The following PAPPA2 variants were observed in gnomAD, a reference collection of about 807,000 sequenced individuals.
PAPPA2 encodes pappalysin 2.
A neutral mutation model predicts 176.4 loss-of-function variants in PAPPA2; 86 were observed. That is an observed-to-expected ratio of 0.49 (90% CI 0.41 to 0.58). PAPPA2 has a LOEUF of 0.58. Among genes scored for constraint, PAPPA2 ranks in the 20% least tolerant of loss-of-function variants. PAPPA2 has a pLI of 0.00. For missense variants in PAPPA2, 2,073 were observed against 2,256.9 expected (o/e 0.92, Z 1.65); for synonymous variants, 809 against 852.2 (o/e 0.95, Z 0.88).
At chr1:176,672,582 AAAAAG>A (rs1242963340) in intron 4 of PAPPA2, among the ~76,000 whole-genome samples, 1 of 152,142 alleles carries the variant, frequency 6.6e-6, no homozygotes, top group Non-Finnish European at 1.5e-5. Flanking sequence ...GACCAAAAAA[AAAAAG>A]AAAAGATTGC....
intron 2 of PAPPA2, among the ~76,000 whole-genome samples, chr1:176,560,905 A>G (rs781555972): frequency 3.9e-5 from 6 of 152,224 alleles, no homozygotes; most frequent in Non-Finnish European, 5.9e-5. Flanking sequence ...CCATGGCAGA[A>G]TTGGAGCCTG....
At chr1:176,569,427 C>G (rs1652186131) in intron 2 of PAPPA2, among the ~76,000 whole-genome samples, 1 of 152,232 alleles carries the variant, frequency 6.6e-6, no homozygotes, top group South Asian at 2.1e-4. Flanking sequence ...TTCAGGAACT[C>G]TTCCTTGGCC....
chr1:176,559,547 T>A (rs1391060880), intron 2 of PAPPA2, among the ~76,000 whole-genome samples: 1 of 152,232 alleles, frequency 6.6e-6, no homozygotes, highest in Non-Finnish European at 1.5e-5. Context: ...ACCTGTGCTC[T>A]CCATGCCTGA....
chr1:176,517,435 T>G (rs1648977474), intron 1 of PAPPA2, among the ~76,000 whole-genome samples: 1 of 152,168 alleles, frequency 6.6e-6, no homozygotes, highest in Non-Finnish European at 1.5e-5. Context: ...AATAAATGAA[T>G]ATATACATTT....
chr1:176,481,620 C>T (rs1006843927), intron 1 of PAPPA2, among the ~76,000 whole-genome samples: 22 of 152,280 alleles, frequency 1.4e-4, no homozygotes, highest in South Asian at 4.1e-4. Context: ...AGTTTTAATC[C>T]TAGCATTTGG....
At chr1:176,780,705 C>T (rs550485116) in intron 17 of PAPPA2, among the ~76,000 whole-genome samples, 20 of 151,612 alleles carry the variant, frequency 1.3e-4, no homozygotes, top group Non-Finnish European at 2.2e-4. Context: ...TTTTTACAAC[C>T]GCAAGACCTA....
intron 3 of PAPPA2, among the ~76,000 whole-genome samples, chr1:176,635,605 T>A (rs1347781027): frequency 2.0e-5 from 3 of 152,146 alleles, no homozygotes; most frequent in Non-Finnish European, 4.4e-5. Flanking sequence ...GACCCAATAT[T>A]TGTTTTCTCC....
chr1:176,497,514 G>A (rs1033792786), intron 1 of PAPPA2, among the ~76,000 whole-genome samples: 3 of 152,120 alleles, frequency 2.0e-5, no homozygotes, highest in African/African-American at 7.2e-5. Context: ...AGCCCCAAGG[G>A]GGATCTTTTT....
intron 1 of PAPPA2, among the ~76,000 whole-genome samples, chr1:176,486,074 GA>G (rs1303654657): frequency 6.6e-6 from 1 of 152,186 alleles, no homozygotes; most frequent in African/African-American, 2.4e-5. Flanking sequence ...ATCTTGGTGT[GA>G]CTCCCTGTCT....
intron 12 of PAPPA2, among the ~76,000 whole-genome samples, chr1:176,734,184 G>C (rs1407633957): frequency 6.6e-6 from 1 of 152,106 alleles, no homozygotes; most frequent in Non-Finnish European, 1.5e-5. Context: ...TTCTAACACA[G>C]AATCTCTGCA....
At chr1:176,482,133 T>C (rs74798672) in intron 1 of PAPPA2, among the ~76,000 whole-genome samples, 1 of 152,366 alleles carries the variant, frequency 6.6e-6, no homozygotes, top group East Asian at 1.9e-4. Flanking sequence ...TTTTCTTCAC[T>C]GTGAAAAAAT....
chr1:176,821,778 G>A (rs1430556417), intron 21 of PAPPA2, among the ~76,000 whole-genome samples: 2 of 152,186 alleles, frequency 1.3e-5, no homozygotes, highest in Non-Finnish European at 2.9e-5. Context: ...AAAGTTAGTA[G>A]GAAGTGAAAT....
At position 176,604,248 on chromosome 1, in the gene PAPPA2, A is replaced by T. The variant is rs144701890; in HGVS notation, c.1991+8653A>T. On this transcript the variant is annotated intron_variant, in intron 3 of 22. Coordinates refer to ENST00000367662, the MANE Select transcript of PAPPA2 (RefSeq NM_020318.3). ...TCTTTATGGTTTCTTCCCCTGCTTT[A>T]TTTTTCTTTTTAGAATTTATCACAA... 2.0e-3 allele frequency among the ~76,000 whole-genome samples: 307 copies of T among 151,832 alleles called. 3 individuals are homozygous for T. Among genetic ancestry groups the T allele is most frequent in the African/African-American group, 7.3e-3 (301 of 41,412 alleles).
intron 1 of PAPPA2, among the ~76,000 whole-genome samples, chr1:176,529,089 A>G (rs543431322): frequency 6.6e-6 from 1 of 152,298 alleles, no homozygotes; most frequent in African/African-American, 2.4e-5. Flanking sequence ...CACAGAATAG[A>G]CACTTTATAA....
At chr1:176,498,476 A>G (rs989370379) in intron 1 of PAPPA2, among the ~76,000 whole-genome samples, 1 of 152,152 alleles carries the variant, frequency 6.6e-6, no homozygotes, top group Non-Finnish European at 1.5e-5. Context: ...CTGGCCGGGC[A>G]CGGTGGCTCA....
chr1:176,641,507 C>T (rs6657141), intron 3 of PAPPA2, among the ~76,000 whole-genome samples: 9,809 of 150,754 alleles, frequency 0.065, 339 homozygotes, highest in South Asian at 0.14. Context: ...TGTAGATATG[C>T]GGCGTTATTT....
rs1490570521 is a variant in PAPPA2, at chr1:176,470,335, CA to C, written c.-917+6922del. ...CTCTGCTTTTCAGAGGCCACATTGACAAAAAGGTAAGAATTCTCACCTCTGT... is the reference window on the plus strand; with the variant it reads ...CTCTGCTTTTCAGAGGCCACATTGACAAAAGGTAAGAATTCTCACCTCTGT... On this transcript the variant is annotated intron_variant, in intron 1 of 22. Coordinates refer to ENST00000367662, the MANE Select transcript of PAPPA2 (RefSeq NM_020318.3). 2.0e-5 allele frequency among the ~76,000 whole-genome samples: 3 copies of C among 152,228 alleles called. No homozygotes were observed. The East Asian group carries it at 5.8e-4, about 29-fold the overall frequency.
chr1:176,510,614 T>G (rs867075036), intron 1 of PAPPA2, among the ~76,000 whole-genome samples: 2 of 152,058 alleles, frequency 1.3e-5, no homozygotes, highest in African/African-American at 4.8e-5. Context: ...AAAATTTTAC[T>G]TAAGATTTTT....
intron 1 of PAPPA2, among the ~76,000 whole-genome samples, chr1:176,492,364 A>G (rs1458036556): frequency 6.6e-6 from 1 of 152,222 alleles, no homozygotes; most frequent in Non-Finnish European, 1.5e-5. Context: ...AGAATATATA[A>G]CAATAGTTGT....
Sources: allele counts gnomAD v4.1 joint callset (sites outside exome capture counted in the v4.1 genomes callset), GRCh38; gene constraint gnomAD v4.1.1; transcripts MANE v1.5; gene names NCBI Gene and HGNC (gene_info 2026-07-23, HGNC 2026-07-21).